The following BLK variants were observed in gnomAD, a reference collection of about 807,000 sequenced individuals.
The protein encoded by BLK is tyrosine-protein kinase Blk.
A neutral mutation model predicts 61.8 loss-of-function variants in BLK; 64 were observed. The ratio of observed to expected loss-of-function variants is 1.03; its 90% CI spans 0.85 to 1.27. The LOEUF (loss-of-function observed/expected upper bound fraction) is 1.27. Ranked by LOEUF, BLK falls within the 50% of genes most tolerant of loss-of-function variation. The pLI is 0.00. For missense variants in BLK, 853 were observed against 660.5 expected, an observed-to-expected ratio of 1.29 and a Z score of -3.19; for synonymous variants, 351 against 272.0, an observed-to-expected ratio of 1.29 and a Z score of -2.86.
chr8:11,537,128 A>T (rs1169506198), intron 1 of BLK, among the ~76,000 whole-genome samples: 1 of 152,210 alleles, frequency 6.6e-6, no homozygotes, highest in Non-Finnish European at 1.5e-5. Context: ...GCCTCATTTC[A>T]GTGGTGTTGT....
intron 1 of BLK, among the ~76,000 whole-genome samples, chr8:11,517,126 G>C (rs1799261177): frequency 6.6e-6 from 1 of 152,172 alleles, no homozygotes; most frequent in Non-Finnish European, 1.5e-5. Flanking sequence ...AGGCAGGTGG[G>C]AGGACAGGGA....
intron 1 of BLK, among the ~76,000 whole-genome samples, chr8:11,535,283 A>AGAAAGAAG (rs1800076459): frequency 6.9e-6 from 1 of 143,912 alleles, no homozygotes; most frequent in Non-Finnish European, 1.5e-5. Context: ...AAAGAAAGAA[A>AGAAAGAAG]GAAAGAAAGA....
chr8:11,556,818 C>T lies in BLK; in HGVS notation c.933C>T (p.Val311=). Reference sequence around the variant, plus strand: ...TCACCAAGGAGCCCATCTACATTGTCACCGAGTACATGGCCAGAGGTGGTG... The same window carrying T: ...TCACCAAGGAGCCCATCTACATTGTTACCGAGTACATGGCCAGAGGTGGTG... ...AVVTKEPIYI[V]TEYMARGCLL... The change falls in exon 9 of 13, where the codon GTC becomes GTT. Residue 311 remains valine, a synonymous_variant. Transcript: ENST00000259089. 1.2e-6 allele frequency: 2 copies of T among 1,614,138 alleles called. No homozygotes were observed. The highest frequency in any genetic ancestry group is 1.7e-6 in the Non-Finnish European group (2 of 1,180,006).
At chr8:11,516,126 C>T (rs1799214249) in intron 1 of BLK, among the ~76,000 whole-genome samples, 1 of 152,194 alleles carries the variant, frequency 6.6e-6, no homozygotes, top group African/African-American at 2.4e-5. Context: ...ATGGATGAAC[C>T]ACGAAGACAT....
intron 1 of BLK, among the ~76,000 whole-genome samples, chr8:11,497,548 C>T (rs748821927): frequency 1.3e-5 from 2 of 152,198 alleles, no homozygotes; most frequent in Non-Finnish European, 2.9e-5. Flanking sequence ...AGGACAAGGA[C>T]ATGCCCTACA....
At chr8:11,529,539 G>A (rs1459649042) in intron 1 of BLK, among the ~76,000 whole-genome samples, 1 of 152,138 alleles carries the variant, frequency 6.6e-6, no homozygotes, top group Non-Finnish European at 1.5e-5. Context: ...GATCTTAGGA[G>A]CAGTTTGGGG....
intron 12 of BLK, 150 bp downstream of exon 12, chr8:11,563,260 G>C: frequency 2.5e-6 from 3 of 1,191,818 alleles, no homozygotes; most frequent in Non-Finnish European, 3.5e-6. Flanking sequence ...ATCTGGGGTG[G>C]AGCTCTGCCC....
intron 1 of BLK, among the ~76,000 whole-genome samples, chr8:11,501,459 TG>T (rs1310472690): frequency 6.6e-6 from 1 of 151,900 alleles, no homozygotes; most frequent in Non-Finnish European, 1.5e-5. Flanking sequence ...GCCAGCACAC[TG>T]GGGGAAGTGT....
At chr8:11,563,871 C>T in intron 12 of BLK, 32 bp from the exon 13 acceptor site, 2 of 1,592,108 alleles carry the variant, frequency 1.3e-6, no homozygotes, top group Middle Eastern at 1.8e-4. Flanking sequence ...ACCCCAGCCC[C>T]TCACCCCCGC....
At chr8:11,561,209 C>G (rs747027477) in intron 10 of BLK, 93 bp from the exon 11 acceptor site, 1 of 1,515,178 alleles carries the variant, frequency 6.6e-7, no homozygotes, top group East Asian at 2.4e-5. Context: ...CCTTCCCCAG[C>G]AGCCCACAGG....
chr8:11,549,938 A>C (rs548075173), intron 5 of BLK: 1 of 588,326 alleles, frequency 1.7e-6, no homozygotes, highest in East Asian at 3.0e-5. Context: ...CGTTCTAGGA[A>C]AACAGTGAGT....
intron 3 of BLK, 56 bp downstream of exon 3, chr8:11,546,159 G>A (rs1039155851): frequency 1.9e-6 from 3 of 1,594,990 alleles, no homozygotes; most frequent in Non-Finnish European, 2.6e-6. Context: ...CTAGGTGGCA[G>A]CTTTGTGGAG....
chr8:11,509,220 C>G (rs1026642830), intron 1 of BLK: 2 of 152,178 alleles, frequency 1.3e-5, no homozygotes, highest in Non-Finnish European at 2.9e-5. Flanking sequence ...CCTCACAGCA[C>G]CCGAAGGGAT....
intron 1 of BLK, among the ~76,000 whole-genome samples, chr8:11,504,726 C>T (rs558199727): frequency 6.6e-6 from 1 of 152,212 alleles, no homozygotes; most frequent in Non-Finnish European, 1.5e-5. Context: ...GAGGAGTGTG[C>T]CCCCTGTTCC....
intron 1 of BLK, among the ~76,000 whole-genome samples, chr8:11,498,666 G>A (rs374892549): frequency 3.5e-4 from 54 of 152,160 alleles, no homozygotes; most frequent in African/African-American, 1.3e-3. Flanking sequence ...CTGGCAATGT[G>A]AGCAAGTCAC....
intron 1 of BLK, among the ~76,000 whole-genome samples, chr8:11,527,674 G>A (rs564979720): frequency 2.0e-5 from 3 of 151,890 alleles, no homozygotes; most frequent in South Asian, 4.2e-4. Context: ...AATTGCCCTT[G>A]TGAGTGAGTA....
intron 10 of BLK, chr8:11,558,946 G>A (rs959576814): frequency 4.8e-5 from 22 of 455,714 alleles, no homozygotes; most frequent in Non-Finnish European, 7.1e-5. Flanking sequence ...ATGCCACAAC[G>A]CCTTTTTCCG....
intron 1 of BLK, among the ~76,000 whole-genome samples, chr8:11,510,691 A>G (rs1798965348): frequency 6.6e-6 from 1 of 152,094 alleles, no homozygotes; most frequent in Non-Finnish European, 1.5e-5. Flanking sequence ...GCCTACATAC[A>G]GAGGTCCAGT....
intron 1 of BLK, among the ~76,000 whole-genome samples, chr8:11,539,452 C>T (rs570117481): frequency 5.3e-5 from 8 of 151,690 alleles, no homozygotes; most frequent in South Asian, 2.1e-4. Context: ...GATTTTTTTT[C>T]GGGGGAGGGG....
Sources: gnomAD v4.1 joint callset for allele counts (sites outside exome capture counted in the v4.1 genomes callset) on GRCh38, gnomAD v4.1.1 for gene constraint, MANE v1.5 for transcripts, NCBI Gene and HGNC (gene_info 2026-07-23, HGNC 2026-07-21) for gene names.